Variants in DYNC1LI2 observed in about 807,000 individuals in gnomAD.
DYNC1LI2 encodes cytoplasmic dynein 1 light intermediate chain 2.
Under a neutral mutation model 57.8 loss-of-function variants are expected in DYNC1LI2, and 19 were observed. The observed-to-expected ratio is 0.33, with a 90% CI of 0.23 to 0.48. The LOEUF is 0.48. DYNC1LI2 is among the 20% of genes least tolerant of loss of function. DYNC1LI2 has a pLI of 0.99. For synonymous variants in DYNC1LI2, 256 were observed against 233.4 expected (o/e 1.10, Z -0.88); for missense variants, 470 against 604.2 (o/e 0.78, Z 2.33).
In DYNC1LI2 at chr16:66,722,015, GT is replaced by G. The variant is rs1286220339; in HGVS notation, c.*1706del. On this transcript the variant is annotated 3_prime_UTR_variant, in exon 13 of 13. Coordinates refer to ENST00000258198, the MANE Select transcript of DYNC1LI2 (RefSeq NM_006141.3). ...GGTAACTGGAAGCCACAATACATTT[GT>G]TTTTTTAAAAAACTGAATTAAAAAA... The G allele has an allele frequency of 2.0e-5, 3 of 152,468 alleles. No individual in the cohort carries two copies. Among genetic ancestry groups the G allele is most frequent in the Admixed American group, 2.0e-4 (3 of 15,282 alleles). 9.4% of individuals were successfully genotyped at this position (152,468 alleles called of 1,614,324 possible). A position where few individuals can be genotyped will look rare whatever the true frequency, so the allele number is the denominator to read the frequency against.
intron 3 of DYNC1LI2, among the ~76,000 whole-genome samples, chr16:66,748,857 C>T (rs913394738): frequency 3.3e-4 from 50 of 152,178 alleles, no homozygotes; most frequent in African/African-American, 1.2e-3. Flanking sequence ...AACAATGGTC[C>T]CCAGGACAGC....
chr16:66,729,514 T>A (rs1366071062), intron 8 of DYNC1LI2, among the ~76,000 whole-genome samples: 1 of 151,784 alleles, frequency 6.6e-6, no homozygotes, highest in Non-Finnish European at 1.5e-5. Flanking sequence ...CCCTGGGACT[T>A]ACTACTCCCC....
chr16:66,739,770 TACATA>T (rs1181148663), intron 4 of DYNC1LI2, among the ~76,000 whole-genome samples: 1 of 152,198 alleles, frequency 6.6e-6, no homozygotes, highest in Non-Finnish European at 1.5e-5. Flanking sequence ...AGAGCAAATA[TACATA>T]ACATGAGTGA....
chr16:66,731,540 CA>C (rs1479177343), intron 7 of DYNC1LI2: 1 of 152,590 alleles, frequency 6.6e-6, no homozygotes, highest in African/African-American at 2.4e-5. Flanking sequence ...CTTTCCCTGC[CA>C]TACTTCCTCC....
At chr16:66,730,009 G>C (rs1023845924) in intron 8 of DYNC1LI2, 103 bp downstream of exon 8, 2 of 895,934 alleles carry the variant, frequency 2.2e-6, no homozygotes, top group African/African-American at 3.4e-5. Context: ...TCAAACTCCT[G>C]ACCTCATGTG....
At chr16:66,734,603 A>ACACTC (rs970819380) in intron 5 of DYNC1LI2, among the ~76,000 whole-genome samples, 1 of 152,024 alleles carries the variant, frequency 6.6e-6, no homozygotes, top group Admixed American at 6.6e-5. Flanking sequence ...ACACAGTTGT[A>ACACTC]CACTCCACTC....
chr16:66,726,022 G>C, intron 11 of DYNC1LI2, 78 bp from the exon 12 acceptor site: 1 of 1,471,590 alleles, frequency 6.8e-7, no homozygotes, highest in East Asian at 2.3e-5. Flanking sequence ...TCTCAGCTTG[G>C]CATTAGCCAC....
intron 4 of DYNC1LI2, among the ~76,000 whole-genome samples, chr16:66,741,532 C>T (rs963659249): frequency 1.3e-5 from 2 of 152,156 alleles, no homozygotes; most frequent in South Asian, 2.1e-4. Context: ...ATTTAAAAAG[C>T]GCATCAAAAT....
intron 8 of DYNC1LI2, 101 bp downstream of exon 8, chr16:66,730,011 C>T: frequency 1.1e-6 from 1 of 916,714 alleles, no homozygotes; most frequent in Non-Finnish European, 1.6e-6. Context: ...AAACTCCTGA[C>T]CTCATGTGAT....
In DYNC1LI2 at chr16:66,736,090, C is replaced by T; in HGVS notation, c.684G>A (p.Leu228=). 6.2e-7 allele frequency: 1 copy of T among 1,614,088 alleles called. No individual in the cohort carries two copies. The highest frequency in any genetic ancestry group is 1.1e-5 in the South Asian group (1 of 91,064). Residue 228 remains leucine, a synonymous_variant, in exon 5 of 13, where the codon TTG becomes TTA. Coordinates refer to ENST00000258198, the MANE Select transcript of DYNC1LI2 (RefSeq NM_006141.3). ...VLTHNLGIPV[L]VVCTKCDAVS... Reference sequence around the variant, plus strand: ...TGGCACACACCTTTGTGCACACCACCAACACCGGGATCCCCAGGTTATGAG... The same window carrying T: ...TGGCACACACCTTTGTGCACACCACTAACACCGGGATCCCCAGGTTATGAG...
At chr16:66,735,501 CTTTT>C (rs137881314) in intron 5 of DYNC1LI2, among the ~76,000 whole-genome samples, 2 of 149,768 alleles carry the variant, frequency 1.3e-5, no homozygotes, top group African/African-American at 2.4e-5. Flanking sequence ...GCTGTGAGTT[CTTTT>C]TTTTTTATTT....
At chr16:66,736,648 C>A (rs1045601133) in intron 4 of DYNC1LI2, among the ~76,000 whole-genome samples, 2 of 152,154 alleles carry the variant, frequency 1.3e-5, no homozygotes, top group Non-Finnish European at 2.9e-5. Context: ...AAGGCATGTG[C>A]CACCATGCCC....
At chr16:66,740,330 A>G (rs886148348) in intron 4 of DYNC1LI2, among the ~76,000 whole-genome samples, 2 of 152,194 alleles carry the variant, frequency 1.3e-5, no homozygotes, top group Non-Finnish European at 2.9e-5. Flanking sequence ...CACTCCTTCC[A>G]TATAACATCT....
chr16:66,751,277 G>A lies in DYNC1LI2; in HGVS notation c.177C>T (p.Val59=), dbSNP rs2018045082. ...SKLPSGKNIL[V]FGEDGSGKTT... is the part of the protein sequence containing the mutation. ...CGCCCCGCCGCCGGCGCTCACCGAA[G>A]ACCAGGATGTTCTTGCCGGACGGCA... Residue 59 remains valine, a synonymous_variant, in exon 2 of 13, where the codon GTC becomes GTT. Coordinates refer to ENST00000258198, the MANE Select transcript of DYNC1LI2 (RefSeq NM_006141.3). The surrounding 1 kb of genome is among the most constrained non-coding windows in gnomAD (Gnocchi z 5.2). 3.1e-6 allele frequency: 5 copies of A among 1,611,380 alleles called. No homozygotes were observed. Among genetic ancestry groups the A allele is most frequent in the African/African-American group, 2.7e-5 (2 of 74,530 alleles).
At position 66,723,094 on chromosome 16, in the gene DYNC1LI2, G is replaced by A. The variant is rs546069573; in HGVS notation, c.*628C>T. The A allele has an allele frequency of 1.5e-4, 52 of 337,574 alleles. No individual in the cohort carries two copies. The highest frequency in any genetic ancestry group is 1.1e-3 in the African/African-American group (52 of 46,616). The allele number at this position is 337,574 out of a possible 1,614,324, so 20.9% of individuals were successfully genotyped here. A position where few individuals can be genotyped will look rare whatever the true frequency, so the allele number is the denominator to read the frequency against. ...CACCCCCACAATTAGTACATCTTTC[G>A]TAAGTTAAAGATGCATTCAAAATAA... On this transcript the variant is annotated 3_prime_UTR_variant, in exon 13 of 13. Coordinates refer to ENST00000258198, the MANE Select transcript of DYNC1LI2 (RefSeq NM_006141.3).
At chr16:66,728,891 TAAG>T in intron 9 of DYNC1LI2, 146 bp downstream of exon 9, 1 of 781,982 alleles carries the variant, frequency 1.3e-6, no homozygotes. Context: ...ATCCTAGAAA[TAAG>T]GAGGGAATGA....
At chr16:66,723,971 G>A in intron 12 of DYNC1LI2, 149 bp from the exon 13 acceptor site, 1 of 661,914 alleles carries the variant, frequency 1.5e-6, no homozygotes, top group African/African-American at 1.8e-5. Context: ...TTCTACTGCA[G>A]TGGTGAGGAG....
In DYNC1LI2 at chr16:66,723,116, A is replaced by G; in HGVS notation, c.*606T>C. 1 of 344,522 alleles carries G rather than the reference A, an allele frequency of 2.9e-6. No individual in the cohort carries two copies. The highest frequency in any genetic ancestry group is 2.3e-5 in the South Asian group (1 of 43,984). The allele number at this position is 344,522 out of a possible 1,614,324, so 21.3% of individuals were successfully genotyped here. A position where few individuals can be genotyped will look rare whatever the true frequency, so the allele number is the denominator to read the frequency against. On this transcript the variant is annotated 3_prime_UTR_variant, in exon 13 of 13. Transcript: ENST00000258198. ...TTCGTAAGTTAAAGATGCATTCAAA[A>G]TAAGCCTAATTCCCATTTTGCTTAG...
At chr16:66,723,959 T>C in intron 12 of DYNC1LI2, 137 bp from the exon 13 acceptor site, 1 of 722,380 alleles carries the variant, frequency 1.4e-6, no homozygotes, top group Non-Finnish European at 2.2e-6. Context: ...AGGAAAGCCC[T>C]TTTCTACTGC....
Sources: allele counts gnomAD v4.1 joint callset (sites outside exome capture counted in the v4.1 genomes callset), GRCh38; gene constraint gnomAD v4.1.1; non-coding constraint Gnocchi (gnomAD v3.1); transcripts MANE v1.5; gene names NCBI Gene and HGNC (gene_info 2026-07-23, HGNC 2026-07-21).